Variants in PTPRN2 observed in about 807,000 individuals in gnomAD.
The protein encoded by PTPRN2 is receptor-type tyrosine-protein phosphatase N2.
In PTPRN2, 74 loss-of-function variants were observed where a neutral mutation model predicts 118.8. The observed-to-expected ratio is 0.62, with a 90% CI of 0.52 to 0.76. The LOEUF is 0.76. Among genes scored for constraint, PTPRN2 ranks in the 30% least tolerant of loss-of-function variants. The probability of loss-of-function intolerance (pLI) is 0.00; values close to 1 mark genes in which losing one functional copy is unlikely to be tolerated. For missense variants in PTPRN2, 1,481 were observed against 1,394.4 expected, an observed-to-expected ratio of 1.06 and a Z score of -0.99; for synonymous variants, 641 against 608.0, an observed-to-expected ratio of 1.05 and a Z score of -0.80.
Position 157,978,702 on chromosome 7 carries a change from C to T in PTPRN2, c.1724-79965G>A, listed in dbSNP as rs558899432. Among the ~76,000 whole-genome samples the T allele has an allele frequency of 2.0e-4, 30 of 152,086 alleles. 1 individual carries two copies. Among genetic ancestry groups the T allele is most frequent in the Admixed American group, 4.6e-4 (7 of 15,280 alleles). ...ATGATTCTTTCTGAACAAGAGTCCT[C>T]AGCTCCCCCACTTCCCTCTGGGACT... On this transcript the variant is annotated intron_variant, in intron 11 of 22. Transcript: ENST00000389418.
intron 12 of PTPRN2, among the ~76,000 whole-genome samples, chr7:157,781,096 G>T (rs988719852): frequency 3.3e-5 from 5 of 152,190 alleles, no homozygotes; most frequent in Admixed American, 1.3e-4. Context: ...CAAGACAAGG[G>T]CTCCCTTCGC....
chr7:157,810,756 C>T (rs558198175), intron 12 of PTPRN2, among the ~76,000 whole-genome samples: 233 of 142,772 alleles, frequency 1.6e-3, no homozygotes, highest in Middle Eastern at 8.1e-3. Context: ...ACGGGGACGG[C>T]GGGACTGCTG....
At chr7:157,911,541 TATTA>T (rs1028227672) in intron 11 of PTPRN2, among the ~76,000 whole-genome samples, 7 of 152,188 alleles carry the variant, frequency 4.6e-5, no homozygotes, top group Admixed American at 3.3e-4. Flanking sequence ...AATTCAAAAA[TATTA>T]ATATTTTATA....
At chr7:158,411,709 C>T (rs554291060) in intron 2 of PTPRN2, among the ~76,000 whole-genome samples, 53 of 152,340 alleles carry the variant, frequency 3.5e-4, no homozygotes, top group South Asian at 6.2e-4. Flanking sequence ...GGCGCCGCCC[C>T]GCGGCACTCA....
chr7:157,595,403 G>A lies in PTPRN2; in HGVS notation c.2419-88C>T, dbSNP rs1294509018. The stretch of plus-strand genomic sequence containing the variant: ...AGCCTGGAGGTTAGGAAGCCAGAAG[G>A]TTAGGAAACCCGGAGGTTAGGAAGC... On this transcript the variant is annotated intron_variant, in intron 16 of 22. Transcript: ENST00000389418. 1.6e-5 allele frequency: 20 copies of A among 1,264,232 alleles called. No individual in the cohort carries two copies. In the African/African-American group the frequency reaches 2.6e-4, roughly 16 times the overall value. 78.3% of individuals were successfully genotyped at this position (1,264,232 alleles called of 1,614,324 possible). A position where few individuals can be genotyped will look rare whatever the true frequency, so the allele number is the denominator to read the frequency against.
intron 3 of PTPRN2, among the ~76,000 whole-genome samples, chr7:158,218,474 T>C (rs1828117855): frequency 6.6e-6 from 1 of 152,080 alleles, no homozygotes; most frequent in South Asian, 2.1e-4. Context: ...GATACCTGCC[T>C]CCACAAAAAC....
intron 11 of PTPRN2, among the ~76,000 whole-genome samples, chr7:157,904,500 G>A (rs953527133): frequency 6.6e-6 from 1 of 152,218 alleles, no homozygotes; most frequent in Non-Finnish European, 1.5e-5. Flanking sequence ...GCCCGACAGT[G>A]CCCTGAGCAG....
chr7:157,761,893 C>A (rs910854939), intron 12 of PTPRN2, among the ~76,000 whole-genome samples: 1 of 152,062 alleles, frequency 6.6e-6, no homozygotes, highest in Non-Finnish European at 1.5e-5. Context: ...TGAACTCAAA[C>A]AAATTTACAA....
rs1050425669 is a variant in PTPRN2, at chr7:158,272,230, C to T, written c.277+44589G>A. Among the ~76,000 whole-genome samples the T allele has an allele frequency of 1.3e-4, 20 of 152,270 alleles. No homozygotes were observed. In the South Asian group the frequency reaches 2.9e-3, roughly 22 times the overall value. The stretch of plus-strand genomic sequence containing the variant: ...TGGTCCAAATGGAAAAACAGCCCCC[C>T]GGGACGTCTTGTCTTCGGAGAGCCG... On this transcript the variant is annotated intron_variant, in intron 3 of 22. Transcript: ENST00000389418.
intron 12 of PTPRN2, among the ~76,000 whole-genome samples, chr7:157,783,362 C>T (rs1051764572): frequency 1.3e-5 from 2 of 151,730 alleles, no homozygotes; most frequent in African/African-American, 2.4e-5. Context: ...GCACAGCACA[C>T]CGGGAGGGTC....
intron 11 of PTPRN2, among the ~76,000 whole-genome samples, chr7:158,034,476 G>A (rs1245043502): frequency 6.6e-6 from 1 of 152,174 alleles, no homozygotes; most frequent in Non-Finnish European, 1.5e-5. Context: ...TTTATAAGGG[G>A]GAGTTTCCCT....
chr7:158,032,398 T>C (rs1807752154), intron 11 of PTPRN2, among the ~76,000 whole-genome samples: 1 of 152,096 alleles, frequency 6.6e-6, no homozygotes. Context: ...TTGGGGCAAG[T>C]TCTGGTCAGT....
chr7:158,393,588 T>G (rs1812107723), intron 2 of PTPRN2, among the ~76,000 whole-genome samples: 1 of 152,230 alleles, frequency 6.6e-6, no homozygotes. Flanking sequence ...GTTTCTCCCT[T>G]TGGTGAATCT....
rs1403678880 is a variant in PTPRN2 at position 157,784,007 on chromosome 7, G to A, written c.1789-101070C>T. 6.6e-6 allele frequency among the ~76,000 whole-genome samples: 1 copy of A among 152,170 alleles called. No homozygotes were observed. Among genetic ancestry groups the A allele is most frequent in the Non-Finnish European group, 1.5e-5 (1 of 68,044 alleles). On this transcript the variant is annotated intron_variant, in intron 12 of 22. Transcript: ENST00000389418. This position sits in a 1 kb window ranked among gnomAD's most constrained non-coding sequence, Gnocchi z 4.6. ...CCACAGGAGTAAATTCAGGATGAGT[G>A]GCTGAAACATTTCCCACATGGTTGG...
intron 2 of PTPRN2, among the ~76,000 whole-genome samples, chr7:158,342,635 A>C (rs1807122441): frequency 1.3e-5 from 2 of 152,238 alleles, no homozygotes; most frequent in African/African-American, 4.8e-5. Context: ...CATCACTCAC[A>C]CAGTCAACTC....
At chr7:158,097,945 C>T (rs1235696067) in intron 10 of PTPRN2, among the ~76,000 whole-genome samples, 1 of 152,210 alleles carries the variant, frequency 6.6e-6, no homozygotes, top group African/African-American at 2.4e-5. Context: ...GCTCCCAGAA[C>T]ATGCTCTGAC....
chr7:157,928,237 A>G (rs925141995), intron 11 of PTPRN2, among the ~76,000 whole-genome samples: 3 of 152,076 alleles, frequency 2.0e-5, no homozygotes, highest in Non-Finnish European at 4.4e-5. Flanking sequence ...CAGAGCCCAC[A>G]CTCAGCCATG....
chr7:158,406,026 AT>A (rs1813392786), intron 2 of PTPRN2, among the ~76,000 whole-genome samples: 1 of 138,486 alleles, frequency 7.2e-6, no homozygotes, highest in Non-Finnish European at 1.5e-5. Flanking sequence ...GCACACTGAG[AT>A]CCCGGTGGCT....
Position 158,172,000 on chromosome 7 carries a change from C to T in PTPRN2, c.550-4709G>A, listed in dbSNP as rs180838952. Among the ~76,000 whole-genome samples, 472 of 152,264 alleles carry T rather than the reference C, an allele frequency of 3.1e-3. 2 individuals are homozygous for T. The highest frequency in any genetic ancestry group is 0.011 in the African/African-American group (463 of 41,534). On this transcript the variant is annotated intron_variant, in intron 5 of 22. Transcript: ENST00000389418. ...CCGGCTGAGCATCTCTGGGGTAGCCCAGCTGTGGATATGAAGCATTCGAGA... is the reference window on the plus strand; with the variant it reads ...CCGGCTGAGCATCTCTGGGGTAGCCTAGCTGTGGATATGAAGCATTCGAGA...
Sources: gnomAD v4.1 joint callset for allele counts (sites outside exome capture counted in the v4.1 genomes callset) on GRCh38, gnomAD v4.1.1 for gene constraint, Gnocchi (gnomAD v3.1) non-coding constraint, MANE v1.5 for transcripts, NCBI Gene and HGNC (gene_info 2026-07-23, HGNC 2026-07-21) for gene names.